Variants in RABGAP1L observed in about 807,000 individuals in gnomAD.
RABGAP1L encodes RAB GTPase activating protein 1 like.
A neutral mutation model predicts 137.7 loss-of-function variants in RABGAP1L; 63 were observed. That is an observed-to-expected ratio of 0.46 (90% CI 0.37 to 0.56). RABGAP1L has a LOEUF of 0.56. Ranked by LOEUF, RABGAP1L falls within the 20% of genes least tolerant of loss-of-function variation. The pLI, the probability that RABGAP1L is intolerant of heterozygous loss-of-function variation, is 0.00. For missense variants in RABGAP1L, 1,095 were observed against 1,244.0 expected, an observed-to-expected ratio of 0.88 and a Z score of 1.80; for synonymous variants, 431 against 433.7, an observed-to-expected ratio of 0.99 and a Z score of 0.08.
At chr1:174,921,379 A>C (rs1293822771) in intron 19 of RABGAP1L, among the ~76,000 whole-genome samples, 3 of 152,208 alleles carry the variant, frequency 2.0e-5, no homozygotes, top group Non-Finnish European at 2.9e-5. Flanking sequence ...TCTCTTACAA[A>C]GATATTGTGG....
chr1:174,946,980 G>GTGTGTGTGTGTGTATA (rs770439099), intron 19 of RABGAP1L, among the ~76,000 whole-genome samples: 8 of 78,244 alleles, frequency 1.0e-4, no homozygotes, highest in African/African-American at 3.8e-4. Context: ...GTGTGTGTGT[G>GTGTGTGTGTGTGTATA]TATATATATG....
At chr1:174,283,107 A>T (rs1675719403) in intron 10 of RABGAP1L, among the ~76,000 whole-genome samples, 1 of 152,144 alleles carries the variant, frequency 6.6e-6, no homozygotes, top group South Asian at 2.1e-4. Flanking sequence ...AGTTTGTAGA[A>T]AAATGCATGC....
chr1:174,239,362 C>G (rs1671581674), intron 4 of RABGAP1L, among the ~76,000 whole-genome samples: 1 of 152,198 alleles, frequency 6.6e-6, no homozygotes, highest in African/African-American at 2.4e-5. Flanking sequence ...TCACTACATT[C>G]CAGTTATACT....
intron 18 of RABGAP1L, among the ~76,000 whole-genome samples, chr1:174,796,893 G>A (rs1452884646): frequency 6.6e-6 from 1 of 151,916 alleles, no homozygotes; most frequent in African/African-American, 2.4e-5. Flanking sequence ...TGTAATTCCA[G>A]CTACTCGTGG....
chr1:174,638,724 A>G (rs1366002249), intron 14 of RABGAP1L, among the ~76,000 whole-genome samples: 4 of 145,038 alleles, frequency 2.8e-5, no homozygotes, highest in African/African-American at 7.7e-5. Flanking sequence ...TGATGAGTTC[A>G]TGTCCTTTGT....
intron 1 of RABGAP1L, among the ~76,000 whole-genome samples, chr1:174,179,793 G>A (rs1389903031): frequency 6.6e-6 from 1 of 152,094 alleles, no homozygotes; most frequent in Non-Finnish European, 1.5e-5. Context: ...GGACTTCTGG[G>A]GTCCATGGAC....
At position 174,493,399 on chromosome 1, in the gene RABGAP1L, A is replaced by C. The variant is rs1660443930; in HGVS notation, c.1710+99254A>C. On this transcript the variant is annotated intron_variant, in intron 13 of 25. Coordinates refer to ENST00000681986, the MANE Select transcript of RABGAP1L (RefSeq NM_001366446.1). ...ATCTAGAATAACACTCATGAAATTT[A>C]CTAGTAATCTCAGATGTGTCCAAAA... 2.0e-5 allele frequency among the ~76,000 whole-genome samples: 3 copies of C among 151,828 alleles called. No homozygotes were observed. The Middle Eastern group carries it at 0.01, about 520-fold the overall frequency.
intron 1 of RABGAP1L, among the ~76,000 whole-genome samples, chr1:174,195,935 A>G (rs1284129391): frequency 6.8e-6 from 1 of 146,974 alleles, no homozygotes; most frequent in Non-Finnish European, 1.5e-5. Context: ...TCCTGGGTTC[A>G]AGTGATTCTC....
chr1:174,678,077 A>G (rs1381786680), intron 14 of RABGAP1L, among the ~76,000 whole-genome samples: 5 of 152,154 alleles, frequency 3.3e-5, no homozygotes. Context: ...TAAATCATAT[A>G]CAGATATTAA....
intron 4 of RABGAP1L, among the ~76,000 whole-genome samples, chr1:174,239,222 C>T (rs1414602311): frequency 2.6e-5 from 4 of 152,170 alleles, no homozygotes; most frequent in South Asian, 2.1e-4. Context: ...AGAAATCACC[C>T]GTCTTCTGCG....
intron 13 of RABGAP1L, among the ~76,000 whole-genome samples, chr1:174,472,102 TG>T (rs1374101970): frequency 6.6e-5 from 10 of 152,220 alleles, no homozygotes; most frequent in Non-Finnish European, 1.3e-4. Flanking sequence ...ACCTTGATCT[TG>T]GACTTTCCAG....
rs1234606834 is a variant in RABGAP1L at position 174,702,145 on chromosome 1, T to C, written c.2058T>C (p.Ser686=). The C allele has an allele frequency of 6.2e-7, 1 of 1,611,890 alleles. No individual in the cohort carries two copies. Among genetic ancestry groups the C allele is most frequent in the Admixed American group, 1.7e-5 (1 of 59,548 alleles). Residue 686 remains serine, a synonymous_variant, in exon 17 of 26, where the codon TCT becomes TCC. Transcript: ENST00000681986. ...TACCGGACCTGCATAGCCATTTTTC[T>C]GATCTGAACCTGGAAGCTCATATGT... ...EQLPDLHSHF[S]DLNLEAHMYA...
intron 9 of RABGAP1L, among the ~76,000 whole-genome samples, chr1:174,277,653 C>CA (rs1675114632): frequency 1.3e-5 from 2 of 151,986 alleles, no homozygotes; most frequent in African/African-American, 4.8e-5. Context: ...ACACATTACT[C>CA]AGAGAATGTG....
chr1:174,606,601 G>A (rs1028605570), intron 13 of RABGAP1L, among the ~76,000 whole-genome samples: 2 of 152,168 alleles, frequency 1.3e-5, no homozygotes, highest in African/African-American at 2.4e-5. Flanking sequence ...TCACTAGCGG[G>A]AATCTTTATC....
rs1054618996 is a variant in RABGAP1L, at chr1:174,947,479, G to A, written c.2341-9978G>A. 8.6e-5 allele frequency among the ~76,000 whole-genome samples: 13 copies of A among 151,982 alleles called. No individual in the cohort carries two copies. In the South Asian group the frequency reaches 1.7e-3, roughly 19 times the overall value. ...GTCACCCAGGCTGGAGTACAATGCC[G>A]CGATCTTGGCTCACTGCAGCCTCAG... On this transcript the variant is annotated intron_variant, in intron 19 of 25. Transcript: ENST00000681986.
intron 17 of RABGAP1L, among the ~76,000 whole-genome samples, chr1:174,719,332 G>A (rs913898526): frequency 4.6e-5 from 7 of 151,952 alleles, no homozygotes; most frequent in African/African-American, 7.3e-5. Context: ...TACATGTTAC[G>A]TAATATATTA....
chr1:174,865,166 C>T (rs1381666663), intron 19 of RABGAP1L, among the ~76,000 whole-genome samples: 2 of 152,060 alleles, frequency 1.3e-5, no homozygotes, highest in African/African-American at 4.8e-5. Flanking sequence ...GCCACTTGCA[C>T]AAATATATTA....
At chr1:174,913,696 G>T (rs529441964) in intron 19 of RABGAP1L, among the ~76,000 whole-genome samples, 1 of 152,260 alleles carries the variant, frequency 6.6e-6, no homozygotes, top group African/African-American at 2.4e-5. Context: ...CTCTATAAAT[G>T]AGCTGTCTGC....
intron 5 of RABGAP1L, among the ~76,000 whole-genome samples, chr1:174,249,916 A>G (rs893053588): frequency 2.6e-5 from 4 of 152,176 alleles, no homozygotes; most frequent in Non-Finnish European, 4.4e-5. Flanking sequence ...TGCTGGGATT[A>G]CAGGCATGGA....
Sources: gnomAD v4.1 joint callset for allele counts (sites outside exome capture counted in the v4.1 genomes callset) on GRCh38, gnomAD v4.1.1 for gene constraint, MANE v1.5 for transcripts, NCBI Gene and HGNC (gene_info 2026-07-23, HGNC 2026-07-21) for gene names.